ORC2: variants seen among roughly 807,000 people sequenced by gnomAD.
The protein encoded by ORC2 is origin recognition complex subunit 2.
A neutral mutation model predicts 77.7 loss-of-function variants in ORC2; 37 were observed. That is an observed-to-expected ratio of 0.48 (90% CI 0.37 to 0.63). The LOEUF (loss-of-function observed/expected upper bound fraction) is 0.63. Among genes scored for constraint, ORC2 ranks in the 20% least tolerant of loss-of-function variants. The pLI is 0.00. For synonymous variants in ORC2, 201 were observed against 229.5 expected (o/e 0.88, Z 1.12); for missense variants, 557 against 661.9 (o/e 0.84, Z 1.74).
chr2:200,963,612 G>A lies in ORC2; in HGVS notation c.-182C>T, dbSNP rs2041624644. 2 of 398,396 alleles carry A rather than the reference G, an allele frequency of 5.0e-6. No individual in the cohort carries two copies. The highest frequency in any genetic ancestry group is 2.1e-5 in the African/African-American group (1 of 48,604). 24.7% of individuals were successfully genotyped at this position (398,396 alleles called of 1,614,324 possible). On this transcript the variant is annotated 5_prime_UTR_variant, in exon 1 of 18. Coordinates refer to ENST00000234296, the MANE Select transcript of ORC2 (RefSeq NM_006190.5). ...GGGAAAAGCCAATTTCCAGTAATTC[G>A]CGCCCGACCACCGGGGAGGTAAGGA... is the stretch of plus-strand genomic sequence containing the variant.
At chr2:200,949,496 G>T in intron 5 of ORC2, 58 bp downstream of exon 5, 2 of 933,250 alleles carry the variant, frequency 2.1e-6, no homozygotes, top group Non-Finnish European at 3.5e-6. Flanking sequence ...GGGGAATGTG[G>T]TTAAATCTAC....
chr2:200,946,036 A>C (rs750627821), intron 5 of ORC2, among the ~76,000 whole-genome samples: 14 of 152,170 alleles, frequency 9.2e-5, no homozygotes, highest in Non-Finnish European at 1.9e-4. Flanking sequence ...TCTTTTGTTT[A>C]CATTTATTTT....
chr2:200,946,264 A>G (rs910361586), intron 5 of ORC2, among the ~76,000 whole-genome samples: 5 of 151,972 alleles, frequency 3.3e-5, no homozygotes, highest in Admixed American at 2.6e-4. Context: ...TGTTGGGATT[A>G]TAGGTGTGAG....
rs779762922 is a variant in ORC2, at chr2:200,909,446, C to G, written c.*1855G>C. The G allele has an allele frequency of 6.6e-6, 1 of 151,966 alleles. No homozygotes were observed. Among genetic ancestry groups the G allele is most frequent in the Non-Finnish European group, 1.5e-5 (1 of 68,000 alleles). 9.4% of individuals were successfully genotyped at this position (151,966 alleles called of 1,614,324 possible). A position where few individuals can be genotyped will look rare whatever the true frequency, so the allele number is the denominator to read the frequency against. The stretch of plus-strand genomic sequence containing the variant: ...GCCCTTGGCCAGGCATAGTGGCTCA[C>G]CCCTGATCCCAGTACTTTGGGAGGC... On this transcript the variant is annotated 3_prime_UTR_variant, in exon 18 of 18. Transcript: ENST00000234296.
At chr2:200,923,780 G>A (rs999005198) in intron 13 of ORC2, among the ~76,000 whole-genome samples, 1 of 152,014 alleles carries the variant, frequency 6.6e-6, no homozygotes, top group Non-Finnish European at 1.5e-5. Context: ...TGTGAAAAAC[G>A]TAGCACTGAA....
intron 7 of ORC2, 31 bp downstream of exon 7, chr2:200,941,217 T>C (rs2041145750): frequency 6.3e-7 from 1 of 1,592,138 alleles, no homozygotes; most frequent in African/African-American, 1.3e-5. Context: ...TTTGTAACAC[T>C]AAGGCTTTTG....
chr2:200,932,835 G>A (rs527963368), intron 10 of ORC2, among the ~76,000 whole-genome samples: 1 of 152,216 alleles, frequency 6.6e-6, no homozygotes, highest in South Asian at 2.1e-4. Flanking sequence ...GGTCCAACGA[G>A]GAAAAGAAAC....
At chr2:200,915,870 T>C (rs559701276) in intron 15 of ORC2, among the ~76,000 whole-genome samples, 21 of 152,064 alleles carry the variant, frequency 1.4e-4, no homozygotes, top group Admixed American at 3.3e-4. Flanking sequence ...ATTTTTTATA[T>C]TTTTAGTAGA....
intron 15 of ORC2, among the ~76,000 whole-genome samples, chr2:200,918,576 C>T (rs2040699891): frequency 6.6e-6 from 1 of 151,238 alleles, no homozygotes; most frequent in Non-Finnish European, 1.5e-5. Context: ...GCAACCTCCG[C>T]CTCCTGGGTT....
intron 1 of ORC2, chr2:200,963,135 G>C (rs577280811): frequency 2.7e-5 from 7 of 259,718 alleles, no homozygotes; most frequent in Middle Eastern, 1.1e-3. Context: ...GAATCAGGTA[G>C]GTTAGTATCA....
chr2:200,916,173 C>G (rs954203209), intron 15 of ORC2, among the ~76,000 whole-genome samples: 10 of 152,090 alleles, frequency 6.6e-5, no homozygotes, highest in African/African-American at 2.4e-4. Context: ...GACATTTAGG[C>G]ATGCCAAACT....
rs1280587241 is a variant in ORC2, at chr2:200,936,989, T to TA, written c.514+916dup. Among the ~76,000 whole-genome samples the TA allele has an allele frequency of 4.1e-3, 579 of 142,094 alleles. 5 individuals are homozygous for TA. The highest frequency in any genetic ancestry group is 0.013 in the African/African-American group (504 of 38,728). 93.2% of individuals were successfully genotyped at this position (142,094 alleles called of 152,430 possible). A position where few individuals can be genotyped will look rare whatever the true frequency, so the allele number is the denominator to read the frequency against. ...GTCAGCATGTAACAAATGTAGATAT[T>TA]AAAAAAAAAAAGAAAAAAAAAGGCT... is the stretch of plus-strand genomic sequence containing the variant. On this transcript the variant is annotated intron_variant, in intron 8 of 17. Transcript: ENST00000234296.
chr2:200,913,557 AAGG>A (rs1341624927), intron 16 of ORC2, 144 bp from the exon 17 acceptor site: 1 of 1,350,646 alleles, frequency 7.4e-7, no homozygotes, highest in African/African-American at 1.5e-5. Flanking sequence ...ACTTTTAAAG[AAGG>A]AACAAGTAAG....
Position 200,941,282 on chromosome 2 carries a change from A to G in ORC2, c.422-3T>C, listed in dbSNP as rs2307359. The G allele has an allele frequency of 0.035, 55,694 of 1,607,932 alleles. 1,327 individuals carry two copies. Among genetic ancestry groups the G allele is most frequent in the South Asian group, 0.074 (6,690 of 90,246 alleles). ...AACCTTGTCTGAAGCAGAATGGCCTAAAGAATGAAACAAAAAGCCATGACT... is the reference window on the plus strand; with the variant it reads ...AACCTTGTCTGAAGCAGAATGGCCTGAAGAATGAAACAAAAAGCCATGACT... On this transcript the variant is annotated splice_polypyrimidine_tract_variant and splice_region_variant and intron_variant, in intron 6 of 17. Transcript: ENST00000234296.
intron 15 of ORC2, among the ~76,000 whole-genome samples, chr2:200,917,313 T>C (rs947366560): frequency 5.9e-5 from 9 of 152,118 alleles, no homozygotes; most frequent in Non-Finnish European, 1.0e-4. Context: ...CCAATATTAA[T>C]GCAAGGCTTT....
intron 5 of ORC2, among the ~76,000 whole-genome samples, chr2:200,944,874 G>T (rs2041223940): frequency 6.6e-6 from 1 of 152,160 alleles, no homozygotes. Flanking sequence ...TTTGTGTTTA[G>T]TTATGACTAT....
intron 15 of ORC2, 102 bp downstream of exon 15, chr2:200,920,117 TTAA>T (rs2040729824): frequency 5.2e-6 from 4 of 773,720 alleles, no homozygotes; most frequent in Non-Finnish European, 7.9e-6. Context: ...ATAATTTCAC[TTAA>T]TCCTTCAACT....
chr2:200,932,304 GT>G (rs1337118106), intron 10 of ORC2, among the ~76,000 whole-genome samples: 22 of 142,618 alleles, frequency 1.5e-4, no homozygotes, highest in Non-Finnish European at 2.7e-4. Flanking sequence ...ACACTAGAAT[GT>G]TATCTCATGT....
At chr2:200,954,336 A>C (rs1464539370) in intron 4 of ORC2, among the ~76,000 whole-genome samples, 2 of 152,248 alleles carry the variant, frequency 1.3e-5, no homozygotes, top group South Asian at 4.1e-4. Context: ...ACCTGGCCAA[A>C]ACTAAGTCTT....
Sources: gnomAD v4.1 joint callset for allele counts (sites outside exome capture counted in the v4.1 genomes callset) on GRCh38, gnomAD v4.1.1 for gene constraint, MANE v1.5 for transcripts, NCBI Gene and HGNC (gene_info 2026-07-23, HGNC 2026-07-21) for gene names.